The following PNKD variants were observed in gnomAD, a reference collection of about 807,000 sequenced individuals.
PNKD encodes PNKD metallo-beta-lactamase domain containing.
A neutral mutation model predicts 45.3 loss-of-function variants in PNKD; 36 were observed. The ratio of observed to expected loss-of-function variants is 0.80; its 90% CI spans 0.61 to 1.05. The LOEUF (loss-of-function observed/expected upper bound fraction) is 1.05. PNKD is among the 50% of genes least tolerant of loss of function. PNKD has a pLI of 0.00. For missense variants in PNKD, 511 were observed against 506.6 expected (o/e 1.01, Z -0.08); for synonymous variants, 197 against 210.1 (o/e 0.94, Z 0.54).
intron 2 of PNKD, among the ~76,000 whole-genome samples, chr2:218,273,803 T>C (rs1304898626): frequency 2.0e-5 from 3 of 152,048 alleles, no homozygotes; most frequent in Admixed American, 6.6e-5. Flanking sequence ...AGGCCCAGTT[T>C]CCTCATTTTG....
At chr2:218,314,469 C>T (rs947088779) in intron 2 of PNKD, among the ~76,000 whole-genome samples, 1 of 151,524 alleles carries the variant, frequency 6.6e-6, no homozygotes, top group Non-Finnish European at 1.5e-5. Context: ...GCGATCCTCC[C>T]ACCTTGGCCT....
intron 2 of PNKD, among the ~76,000 whole-genome samples, chr2:218,307,259 C>T (rs1044714138): frequency 2.6e-5 from 4 of 151,792 alleles, no homozygotes; most frequent in Admixed American, 6.6e-5. Flanking sequence ...TAGGGGGGTT[C>T]GGGATGATTC....
Position 218,340,647 on chromosome 2 carries a change from G to C in PNKD, c.466-81G>C. Reference sequence around the variant, plus strand: ...CCATGCTCTCCTCTCCTCTCCACCAGCGCCCACACTCCTGGCTCTTGCTGC... The same window carrying C: ...CCATGCTCTCCTCTCCTCTCCACCACCGCCCACACTCCTGGCTCTTGCTGC... On this transcript the variant is annotated intron_variant, in intron 4 of 9. Transcript: ENST00000273077. The surrounding 1 kb of genome is among the most constrained non-coding windows in gnomAD (Gnocchi z 4.2). 1.0e-6 allele frequency: 1 copy of C among 974,792 alleles called. No homozygotes were observed. The highest frequency in any genetic ancestry group is 2.4e-5 in the East Asian group (1 of 42,044). 60.4% of individuals were successfully genotyped at this position (974,792 alleles called of 1,614,324 possible).
Position 218,342,015 on chromosome 2 carries a change from C to A in PNKD, c.652C>A (p.Arg218=), listed in dbSNP as rs34745867. The A allele has an allele frequency of 0.023, 37,141 of 1,613,408 alleles. 522 individuals are homozygous for A. Among genetic ancestry groups the A allele is most frequent in the Non-Finnish European group, 0.028 (33,224 of 1,179,286 alleles). ...LCHQDVVSVG[R]LQIRALATPG... Reference sequence around the variant, plus strand: ...TCATCAAGATGTGGTCAGCGTGGGACGGCTTCAGATCCGGGCCCTGGCTAC... The same window carrying A: ...TCATCAAGATGTGGTCAGCGTGGGAAGGCTTCAGATCCGGGCCCTGGCTAC... The change falls in exon 7 of 10, where the codon CGG becomes AGG. Residue 218 remains arginine (R), a synonymous_variant. Transcript: ENST00000273077.
chr2:218,334,028 T>C (rs1694410362), intron 2 of PNKD, among the ~76,000 whole-genome samples: 1 of 145,474 alleles, frequency 6.9e-6, no homozygotes, highest in South Asian at 2.1e-4. Context: ...GGCAGGAGAA[T>C]TGCTTAAACC....
At chr2:218,280,158 G>C in intron 2 of PNKD, 1 of 1,508,014 alleles carries the variant, frequency 6.6e-7, no homozygotes, top group Middle Eastern at 1.7e-4. Context: ...CTCAGCTGGG[G>C]ACCTGAGACA....
At chr2:218,319,371 C>CTTTTTTTTTTTT (rs35553031) in intron 2 of PNKD, among the ~76,000 whole-genome samples, 18 of 80,212 alleles carry the variant, frequency 2.2e-4, no homozygotes, top group Non-Finnish European at 2.3e-4. Context: ...TCTTGTTTGT[C>CTTTTTTTTTTTT]TTTTTTTTTT....
intron 2 of PNKD, among the ~76,000 whole-genome samples, chr2:218,304,250 G>T (rs1034139705): frequency 1.3e-5 from 2 of 151,988 alleles, no homozygotes; most frequent in Admixed American, 6.6e-5. Flanking sequence ...CAGTTCAAGC[G>T]ATTCTCCTGC....
chr2:218,329,068 G>T (rs1316537717), intron 2 of PNKD, among the ~76,000 whole-genome samples: 5 of 152,138 alleles, frequency 3.3e-5, no homozygotes, highest in Non-Finnish European at 7.3e-5. Flanking sequence ...AATTAACTGG[G>T]CATGGTCACG....
At chr2:218,275,673 C>G (rs765490014) in intron 2 of PNKD, 48 of 1,576,550 alleles carry the variant, frequency 3.0e-5, no homozygotes, top group Non-Finnish European at 8.6e-7. Context: ...GTGTCCAGAG[C>G]TCATTTTTGG....
At chr2:218,309,113 C>T (rs1293012114) in intron 2 of PNKD, among the ~76,000 whole-genome samples, 1 of 151,856 alleles carries the variant, frequency 6.6e-6, no homozygotes, top group East Asian at 1.9e-4. Flanking sequence ...GATCCTCCCA[C>T]CACGGCCTCC....
In PNKD at chr2:218,341,643, G is replaced by A. The variant is rs747913431; in HGVS notation, c.617+17G>A. 9.2e-6 allele frequency: 14 copies of A among 1,514,518 alleles called. No homozygotes were observed. The highest frequency in any genetic ancestry group is 1.4e-5 in the African/African-American group (1 of 72,376). 93.8% of individuals were successfully genotyped at this position (1,514,518 alleles called of 1,614,324 possible). A position where few individuals can be genotyped will look rare whatever the true frequency, so the allele number is the denominator to read the frequency against. ...CCTCACCCAGTAAGTCCCTGACCTA[G>A]GCAAGGGATGGCCCTTCCATGGGCC... is the stretch of plus-strand genomic sequence containing the variant. On this transcript the variant is annotated intron_variant, in intron 6 of 9. Coordinates refer to ENST00000273077, the MANE Select transcript of PNKD (RefSeq NM_015488.5).
intron 2 of PNKD, among the ~76,000 whole-genome samples, chr2:218,309,052 C>T (rs903854104): frequency 6.6e-6 from 1 of 151,966 alleles, no homozygotes; most frequent in Admixed American, 6.6e-5. Flanking sequence ...TCAGCCTGGG[C>T]AACATAGTGA....
rs1215506010 is a variant in PNKD at position 218,346,085 on chromosome 2, A to T, written c.*1104A>T. The T allele has an allele frequency of 6.6e-6, 1 of 152,276 alleles. No homozygotes were observed. Among genetic ancestry groups the T allele is most frequent in the Non-Finnish European group, 1.5e-5 (1 of 68,042 alleles). 9.4% of individuals were successfully genotyped at this position (152,276 alleles called of 1,614,324 possible). On this transcript the variant is annotated 3_prime_UTR_variant, in exon 10 of 10. Coordinates refer to ENST00000273077, the MANE Select transcript of PNKD (RefSeq NM_015488.5). ...AGGTTGGAAATCAGAAGTCTGTGAG[A>T]GCGCGGGAGTGCATGGCAGCTCTGG...
chr2:218,290,305 T>A (rs978868040), intron 2 of PNKD, among the ~76,000 whole-genome samples: 3 of 152,236 alleles, frequency 2.0e-5, no homozygotes, highest in Admixed American at 6.5e-5. Flanking sequence ...CCCTTAAGCC[T>A]GAGCCACTTT....
chr2:218,300,675 A>G (rs1693249544), intron 2 of PNKD, among the ~76,000 whole-genome samples: 1 of 151,648 alleles, frequency 6.6e-6, no homozygotes, highest in Non-Finnish European at 1.5e-5. Context: ...CCTCCCAGGT[A>G]GCTGGGATTA....
intron 2 of PNKD, among the ~76,000 whole-genome samples, chr2:218,297,997 C>CAAAA (rs60172979): frequency 1.5e-5 from 2 of 130,226 alleles, no homozygotes; most frequent in African/African-American, 5.7e-5. Flanking sequence ...GACTCCATCT[C>CAAAA]AAAAAAAAAA....
At chr2:218,339,993 C>T (rs1388843348) in intron 3 of PNKD, 36 bp from the exon 4 acceptor site, 4 of 1,520,444 alleles carry the variant, frequency 2.6e-6, no homozygotes, top group Non-Finnish European at 3.7e-6. Context: ...GGGCTCCCTG[C>T]CTGTTACCCC....
intron 2 of PNKD, chr2:218,275,488 C>T (rs1691097253): frequency 1.9e-6 from 3 of 1,613,488 alleles, no homozygotes; most frequent in Admixed American, 1.7e-5. Context: ...ATTGCGATCC[C>T]CCATCAGCTG....
Sources: gnomAD v4.1 joint callset for allele counts (sites outside exome capture counted in the v4.1 genomes callset) on GRCh38, gnomAD v4.1.1 for gene constraint, Gnocchi (gnomAD v3.1) non-coding constraint, MANE v1.5 for transcripts, NCBI Gene and HGNC (gene_info 2026-07-23, HGNC 2026-07-21) for gene names.